Variants in RSU1 observed in about 807,000 individuals in gnomAD.
The protein encoded by RSU1 is Ras suppressor protein 1, also known as rsu-1.
RSU1 carries 26 observed loss-of-function variants against 31.1 expected under a neutral mutation model. The observed-to-expected ratio is 0.84, with a 90% CI of 0.61 to 1.16. The LOEUF is 1.16. RSU1 is among the 50% of genes most tolerant of loss of function. The pLI is 0.00. For missense variants in RSU1, 320 were observed against 339.1 expected (o/e 0.94, Z 0.44); for synonymous variants, 164 against 136.3 (o/e 1.20, Z -1.41).
At chr10:16,689,473 C>T (rs1032646295) in intron 8 of RSU1, among the ~76,000 whole-genome samples, 3 of 152,174 alleles carry the variant, frequency 2.0e-5, no homozygotes, top group Middle Eastern at 3.2e-3. Context: ...AGCCCATGTA[C>T]GTCCATTACA....
chr10:16,596,351 G>A lies in RSU1; in HGVS notation c.732-2855C>T, dbSNP rs1392826481. 2.6e-5 allele frequency among the ~76,000 whole-genome samples: 4 copies of A among 152,280 alleles called. No individual in the cohort carries two copies. In the East Asian group the frequency reaches 5.8e-4, roughly 22 times the overall value. ...GACACAACAGATAGGCAGAGGAAAT[G>A]CTCAAAGTAGATCCCTCCATTCTAT... On this transcript the variant is annotated intron_variant, in intron 8 of 8. Coordinates refer to ENST00000345264, the MANE Select transcript of RSU1 (RefSeq NM_012425.4).
chr10:16,766,730 T>C (rs1031519), intron 3 of RSU1, among the ~76,000 whole-genome samples: 51,870 of 150,482 alleles, frequency 0.34, 11,035 homozygotes, highest in African/African-American at 0.61. Flanking sequence ...AGAGAAAAGA[T>C]TGGCCTGGTG....
intron 2 of RSU1, among the ~76,000 whole-genome samples, chr10:16,806,699 A>G (rs976991918): frequency 1.3e-5 from 2 of 152,180 alleles, no homozygotes; most frequent in African/African-American, 2.4e-5. Context: ...CAAACATATA[A>G]TAAATTACAT....
intron 3 of RSU1, among the ~76,000 whole-genome samples, chr10:16,773,269 T>C (rs1206055157): frequency 6.6e-6 from 1 of 152,084 alleles, no homozygotes; most frequent in African/African-American, 2.4e-5. Flanking sequence ...AGTGGACTGC[T>C]TCTCTTCCTA....
intron 8 of RSU1, among the ~76,000 whole-genome samples, chr10:16,597,500 T>C (rs1346047442): frequency 6.6e-6 from 1 of 152,210 alleles, no homozygotes; most frequent in East Asian, 1.9e-4. Context: ...CAGCAATGTT[T>C]GCCTCCCTCT....
chr10:16,627,522 G>A (rs1221404472), intron 8 of RSU1, among the ~76,000 whole-genome samples: 1 of 152,112 alleles, frequency 6.6e-6, no homozygotes, highest in Non-Finnish European at 1.5e-5. Context: ...GGGAGACCGA[G>A]GCAGGTGGAT....
intron 4 of RSU1, among the ~76,000 whole-genome samples, chr10:16,760,080 A>T (rs924509975): frequency 6.6e-6 from 1 of 152,248 alleles, no homozygotes; most frequent in African/African-American, 2.4e-5. Flanking sequence ...AGTTTTGTTC[A>T]AACTTTGACA....
intron 2 of RSU1, among the ~76,000 whole-genome samples, chr10:16,783,364 C>CTTTTTTTTTTTTTTTTTTTTTT (rs57270890): frequency 7.6e-6 from 1 of 132,060 alleles, no homozygotes; most frequent in Non-Finnish European, 1.6e-5. Context: ...ACAACTTTTG[C>CTTTTTTTTTTTTTTTTTTTTTT]TTTTTTTTTT....
intron 8 of RSU1, among the ~76,000 whole-genome samples, chr10:16,597,396 C>T (rs1264905566): frequency 1.3e-5 from 2 of 152,162 alleles, no homozygotes; most frequent in South Asian, 2.1e-4. Context: ...CAGAACAAGT[C>T]ACTACAAAGG....
At chr10:16,666,822 T>C (rs746462838) in intron 8 of RSU1, among the ~76,000 whole-genome samples, 1 of 151,928 alleles carries the variant, frequency 6.6e-6, no homozygotes, top group Non-Finnish European at 1.5e-5. Flanking sequence ...ACCTCATCTT[T>C]ATATAAAAAT....
intron 8 of RSU1, among the ~76,000 whole-genome samples, chr10:16,666,068 T>C (rs1460534209): frequency 6.6e-6 from 1 of 152,236 alleles, no homozygotes; most frequent in Non-Finnish European, 1.5e-5. Context: ...TCTGCATTTT[T>C]GGCTTATGCT....
chr10:16,708,323 T>C (rs74862480), intron 7 of RSU1, among the ~76,000 whole-genome samples: 25 of 152,318 alleles, frequency 1.6e-4, no homozygotes, highest in African/African-American at 6.0e-4. Context: ...TTATTATTTA[T>C]TAAGTGGATG....
At chr10:16,809,991 G>GT (rs1257151489) in intron 2 of RSU1, among the ~76,000 whole-genome samples, 3 of 149,422 alleles carry the variant, frequency 2.0e-5, no homozygotes, top group African/African-American at 7.3e-5. Flanking sequence ...GAGGCCGGGG[G>GT]TGGGGGGGGG....
chr10:16,646,737 T>C (rs1203320525), intron 8 of RSU1, among the ~76,000 whole-genome samples: 3 of 152,206 alleles, frequency 2.0e-5, no homozygotes, highest in South Asian at 4.1e-4. Flanking sequence ...TTGCAAGGCA[T>C]TGTAACTAAT....
At chr10:16,610,353 C>T (rs968365460) in intron 8 of RSU1, among the ~76,000 whole-genome samples, 6 of 152,176 alleles carry the variant, frequency 3.9e-5, no homozygotes, top group African/African-American at 1.2e-4. Flanking sequence ...TAAAGGCTGA[C>T]GGCCCCTTTC....
intron 8 of RSU1, among the ~76,000 whole-genome samples, chr10:16,618,651 A>G (rs1271257596): frequency 6.6e-6 from 1 of 152,214 alleles, no homozygotes; most frequent in Non-Finnish European, 1.5e-5. Flanking sequence ...TACACCCATA[A>G]AAAAGAATGA....
chr10:16,674,789 T>A (rs1835194494), intron 8 of RSU1, among the ~76,000 whole-genome samples: 1 of 152,084 alleles, frequency 6.6e-6, no homozygotes, highest in African/African-American at 2.4e-5. Context: ...CCCAGCACTG[T>A]GGGAGGCCGA....
chr10:16,757,025 C>T lies in RSU1; in HGVS notation c.282-2036G>A, dbSNP rs1396640995. 8.9e-5 allele frequency among the ~76,000 whole-genome samples: 12 copies of T among 135,378 alleles called. No individual in the cohort carries two copies. In the South Asian group the frequency reaches 9.6e-4, roughly 11 times the overall value. 88.8% of individuals were successfully genotyped at this position (135,378 alleles called of 152,430 possible). On this transcript the variant is annotated intron_variant, in intron 4 of 8. Coordinates refer to ENST00000345264, the MANE Select transcript of RSU1 (RefSeq NM_012425.4). The stretch of plus-strand genomic sequence containing the variant: ...TTGGGGGTGTGGTGGTGTGTGTGTA[C>T]GCAGTGTGTGTGTGGTGTGTGTGTG...
At chr10:16,719,189 T>A (rs952778798) in intron 7 of RSU1, among the ~76,000 whole-genome samples, 3 of 151,910 alleles carry the variant, frequency 2.0e-5, no homozygotes, top group African/African-American at 7.3e-5. Flanking sequence ...ATGCCTCTAG[T>A]CCCAGCTACT....
Sources: allele counts gnomAD v4.1 joint callset (sites outside exome capture counted in the v4.1 genomes callset), GRCh38; gene constraint gnomAD v4.1.1; transcripts MANE v1.5; gene names NCBI Gene and HGNC (gene_info 2026-07-23, HGNC 2026-07-21).